Variants in RHEB observed in about 807,000 individuals in gnomAD.
RHEB encodes GTP-binding protein Rheb.
RHEB carries 2 observed loss-of-function variants against 28.8 expected under a neutral mutation model. The observed-to-expected ratio is 0.07, with a 90% CI of 0.03 to 0.22. RHEB has a LOEUF of 0.22. RHEB is among the 10% of genes least tolerant of loss of function. The pLI, the probability that RHEB is intolerant of heterozygous loss-of-function variation, is 1.00. For missense variants in RHEB, 76 were observed against 219.9 expected, an observed-to-expected ratio of 0.35 and a Z score of 4.14; for synonymous variants, 69 against 77.3, an observed-to-expected ratio of 0.89 and a Z score of 0.56.
chr7:151,514,489 G>C (rs768687723), intron 1 of RHEB, among the ~76,000 whole-genome samples: 38 of 152,132 alleles, frequency 2.5e-4, no homozygotes, highest in Non-Finnish European at 4.1e-4. Context: ...CACCCAATAG[G>C]ATGGCTAAAA....
chr7:151,516,496 G>A (rs544235799), intron 1 of RHEB, among the ~76,000 whole-genome samples: 2 of 151,718 alleles, frequency 1.3e-5, no homozygotes, highest in South Asian at 2.1e-4. Flanking sequence ...GGTGGCAGGC[G>A]CCTGTTATCC....
intron 2 of RHEB, among the ~76,000 whole-genome samples, chr7:151,485,197 T>A (rs1304851202): frequency 6.6e-6 from 1 of 152,240 alleles, no homozygotes; most frequent in Non-Finnish European, 1.5e-5. Flanking sequence ...ATAGGAAGTC[T>A]GGCATCAGAG....
chr7:151,505,194 C>T (rs763159689), intron 1 of RHEB, among the ~76,000 whole-genome samples: 5 of 150,482 alleles, frequency 3.3e-5, no homozygotes, highest in East Asian at 3.9e-4. Flanking sequence ...AAAAGTGAAC[C>T]GAGTTTCATC....
intron 3 of RHEB, 33 bp downstream of exon 3, chr7:151,484,704 G>GT: frequency 6.8e-7 from 1 of 1,464,914 alleles, no homozygotes; most frequent in South Asian, 1.1e-5. Flanking sequence ...CAGATATGCT[G>GT]TATAAGATTC....
chr7:151,476,730 T>A (rs1802278500), intron 4 of RHEB, among the ~76,000 whole-genome samples: 1 of 152,218 alleles, frequency 6.6e-6, no homozygotes. Context: ...ACATAAGCTG[T>A]CACCAATGCC....
intron 1 of RHEB, among the ~76,000 whole-genome samples, chr7:151,501,200 T>G (rs1416048073): frequency 6.6e-6 from 1 of 152,172 alleles, no homozygotes; most frequent in African/African-American, 2.4e-5. Flanking sequence ...GGCCACAGAC[T>G]GGGAGAAAAT....
intron 1 of RHEB, among the ~76,000 whole-genome samples, chr7:151,495,172 T>C (rs1464355588): frequency 1.3e-5 from 2 of 152,218 alleles, no homozygotes; most frequent in Non-Finnish European, 2.9e-5. Flanking sequence ...TGTTACTCGC[T>C]TGCTGAAGAT....
At chr7:151,504,547 G>A (rs900663411) in intron 1 of RHEB, among the ~76,000 whole-genome samples, 1 of 152,104 alleles carries the variant, frequency 6.6e-6, no homozygotes, top group African/African-American at 2.4e-5. Flanking sequence ...GCCTATAAGT[G>A]GGCCCACACA....
rs376087347 is a variant in RHEB, at chr7:151,467,084, A to G, written c.*35T>C. 1,247 of 1,475,882 alleles carry G rather than the reference A, an allele frequency of 8.4e-4. 2 individuals carry two copies. Among genetic ancestry groups the G allele is most frequent in the Non-Finnish European group, 1.1e-3 (1,119 of 1,054,292 alleles). The allele number at this position is 1,475,882 out of a possible 1,614,324, so 91.4% of individuals were successfully genotyped here. A position where few individuals can be genotyped will look rare whatever the true frequency, so the allele number is the denominator to read the frequency against. On this transcript the variant is annotated 3_prime_UTR_variant, in exon 8 of 8. Transcript: ENST00000262187. ...CGGGCAGTTTGCTTCTTCAGGTAGA[A>G]TATATTCCCAGTGTCCTCAGGCTTT...
intron 3 of RHEB, among the ~76,000 whole-genome samples, chr7:151,477,674 A>G (rs1022000673): frequency 2.0e-5 from 3 of 152,224 alleles, no homozygotes; most frequent in African/African-American, 7.2e-5. Flanking sequence ...TTCTGGGAGA[A>G]GAGGATGGAT....
At chr7:151,481,817 A>G (rs1802385406) in intron 3 of RHEB, among the ~76,000 whole-genome samples, 1 of 152,252 alleles carries the variant, frequency 6.6e-6, no homozygotes, top group Admixed American at 6.5e-5. Flanking sequence ...AGGGCTGCTA[A>G]TATGACCACT....
chr7:151,482,405 T>C (rs1802394933), intron 3 of RHEB, among the ~76,000 whole-genome samples: 1 of 152,150 alleles, frequency 6.6e-6, no homozygotes, highest in East Asian at 1.9e-4. Flanking sequence ...TGCCCAGCCC[T>C]CATTCGCTTC....
intron 2 of RHEB, among the ~76,000 whole-genome samples, chr7:151,487,141 A>G (rs1802490926): frequency 6.6e-6 from 1 of 152,210 alleles, no homozygotes; most frequent in Admixed American, 6.5e-5. Flanking sequence ...CAATCTCCAC[A>G]AAAATGGAAA....
chr7:151,502,482 C>A (rs946089608), intron 1 of RHEB: 5 of 893,220 alleles, frequency 5.6e-6, no homozygotes. Context: ...TGTGGAACAA[C>A]TGTAACAGAA....
At chr7:151,517,369 GGAAA>G (rs1803100517) in intron 1 of RHEB, among the ~76,000 whole-genome samples, 4 of 52,040 alleles carry the variant, frequency 7.7e-5, no homozygotes, top group Non-Finnish European at 1.8e-4. Flanking sequence ...ACTCCGTCTC[GGAAA>G]AAAAAAAAAA....
rs185942095 is a variant in RHEB at position 151,512,771 on chromosome 7, A to G, written c.52+6689T>C. ...CAAGATCCTAGCTTACAACAGTTTA[A>G]TGGTTCTCAAAGGGTGGTCTGTGGA... is the stretch of plus-strand genomic sequence containing the variant. On this transcript the variant is annotated intron_variant, in intron 1 of 7. Transcript: ENST00000262187. Among the ~76,000 whole-genome samples the G allele has an allele frequency of 2.1e-3, 323 of 152,312 alleles. 1 individual carries two copies. Among genetic ancestry groups the G allele is most frequent in the South Asian group, 6.0e-3 (29 of 4,828 alleles).
chr7:151,488,971 T>C (rs1031366204), intron 2 of RHEB, among the ~76,000 whole-genome samples: 1 of 152,202 alleles, frequency 6.6e-6, no homozygotes, highest in African/African-American at 2.4e-5. Context: ...GACCACATCT[T>C]GCTCTGCTGC....
intron 1 of RHEB, chr7:151,503,205 A>G (rs1349756692): frequency 2.6e-6 from 2 of 783,676 alleles, no homozygotes; most frequent in Non-Finnish European, 4.7e-6. Flanking sequence ...CAAAGCAAGA[A>G]AAGGATAAAT....
intron 1 of RHEB, among the ~76,000 whole-genome samples, chr7:151,506,217 C>A (rs866048483): frequency 6.8e-6 from 1 of 146,716 alleles, no homozygotes; most frequent in Middle Eastern, 3.6e-3. Context: ...GACAGGGTCT[C>A]TATCTGTTGC....
Sources: gnomAD v4.1 joint callset for allele counts (sites outside exome capture counted in the v4.1 genomes callset) on GRCh38, gnomAD v4.1.1 for gene constraint, MANE v1.5 for transcripts, NCBI Gene and HGNC (gene_info 2026-07-23, HGNC 2026-07-21) for gene names.